SCN2A: variants seen among roughly 807,000 people sequenced by gnomAD.
SCN2A encodes the protein sodium channel protein type 2 subunit alpha.
SCN2A carries 20 observed loss-of-function variants against 188.7 expected under a neutral mutation model. That is an observed-to-expected ratio of 0.11 (90% confidence interval 0.07 to 0.15). The LOEUF (loss-of-function observed/expected upper bound fraction) is 0.15. Among genes scored for constraint, SCN2A ranks in the 10% least tolerant of loss-of-function variants. The pLI is 1.00. For synonymous variants in SCN2A, 804 were observed against 833.1 expected, an observed-to-expected ratio of 0.97 and a Z score of 0.60; for missense variants, 1,278 against 2,445.0, an observed-to-expected ratio of 0.52 and a Z score of 10.07.
chr2:165,291,164 C>T (rs1200001600), intron 1 of SCN2A, among the ~76,000 whole-genome samples: 1 of 150,302 alleles, frequency 6.7e-6, no homozygotes, highest in Non-Finnish European at 1.5e-5. Context: ...GCCTCAGCCT[C>T]CCCAGTAGCT....
chr2:165,291,486 C>CTT (rs1559340230), intron 1 of SCN2A, among the ~76,000 whole-genome samples: 27 of 57,280 alleles, frequency 4.7e-4, no homozygotes, highest in Non-Finnish European at 6.2e-4. Context: ...TTCTTTCTTT[C>CTT]TTTCTTTTCT....
rs902494496 is a variant in SCN2A at position 165,391,416 on chromosome 2, G to T, written c.*1592G>T. 1 of 152,410 alleles carries T rather than the reference G, an allele frequency of 6.6e-6. No individual in the cohort carries two copies. The highest frequency in any genetic ancestry group is 1.5e-5 in the Non-Finnish European group (1 of 67,960). 9.4% of individuals were successfully genotyped at this position (152,410 alleles called of 1,614,324 possible). A position where few individuals can be genotyped will look rare whatever the true frequency, so the allele number is the denominator to read the frequency against. On this transcript the variant is annotated 3_prime_UTR_variant, in exon 27 of 27. Coordinates refer to ENST00000375437, the MANE Select transcript of SCN2A (RefSeq NM_001040142.2). ...TATTTTATTTTTCAGCCTTTTGTAC[G>T]TAAAATGAGAAATTAAAAGTATCTT...
chr2:165,307,371 T>A (rs1358012900), intron 3 of SCN2A, among the ~76,000 whole-genome samples: 1 of 152,104 alleles, frequency 6.6e-6, no homozygotes, highest in African/African-American at 2.4e-5. Context: ...TTATGAGCAA[T>A]TACAGTATAT....
At position 165,321,641 on chromosome 2, in the gene SCN2A, G is replaced by C. The variant is rs368842276; in HGVS notation, c.1672-1515G>C. Among the ~76,000 whole-genome samples the C allele has an allele frequency of 8.5e-5, 13 of 152,282 alleles. No homozygotes were observed. In the East Asian group the frequency reaches 1.4e-3, roughly 16 times the overall value. On this transcript the variant is annotated intron_variant, in intron 11 of 26. Coordinates refer to ENST00000375437, the MANE Select transcript of SCN2A (RefSeq NM_001040142.2). ...ATGGTGTCAGGCAAAGAGAGAGTGA[G>C]AGCCAAGTGAAAGGGATTTCTCCCC...
chr2:165,248,863 G>A (rs1313090388), intron 1 of SCN2A, among the ~76,000 whole-genome samples: 1 of 152,038 alleles, frequency 6.6e-6, no homozygotes, highest in African/African-American at 2.4e-5. Context: ...ATTCCTTTAA[G>A]CATACTAAGG....
intron 16 of SCN2A, 73 bp from the exon 17 acceptor site, chr2:165,354,119 T>C (rs1239701408): frequency 6.3e-7 from 1 of 1,587,120 alleles, no homozygotes; most frequent in African/African-American, 1.3e-5. Flanking sequence ...AGAACAATCT[T>C]AGAAAACTAA....
intron 17 of SCN2A, among the ~76,000 whole-genome samples, chr2:165,362,607 C>G (rs1286871248): frequency 6.6e-6 from 1 of 152,004 alleles, no homozygotes; most frequent in Non-Finnish European, 1.5e-5. Flanking sequence ...CAATTCAAAG[C>G]CTGTTCCTTG....
Position 165,296,084 on chromosome 2 carries a change from T to A in SCN2A, c.261T>A (p.Asn87Lys), listed in dbSNP as rs1696491855. ...AGGATCTGGACCCCTACTATATCAA[T>A]AAGAAAGTGAGTTCTTAGTCAAGTT... ...PLEDLDPYYINKKTFIVLNKG... is the reference protein window; with the variant it reads ...PLEDLDPYYIKKKTFIVLNKG... The change falls in exon 2 of 27, where the codon AAT becomes AAA. Residue 87 changes from asparagine to lysine, a missense_variant. Physicochemically the swap from Asn to Lys is moderately conservative, Grantham distance 94. Transcript: ENST00000375437. The A allele has an allele frequency of 6.2e-7, 1 of 1,613,016 alleles. No individual in the cohort carries two copies. The highest frequency in any genetic ancestry group is 1.3e-5 in the African/African-American group (1 of 74,874).
chr2:165,264,598 A>T (rs1237353617), intron 1 of SCN2A, among the ~76,000 whole-genome samples: 1 of 151,680 alleles, frequency 6.6e-6, no homozygotes, highest in Admixed American at 6.6e-5. Context: ...ATTTTTCCTG[A>T]CCCTCTCCTC....
Position 165,314,089 on chromosome 2 carries a change from A to G in SCN2A, c.1364A>G (p.Lys455Arg), listed in dbSNP as rs752013832. 2 of 1,613,462 alleles carry G rather than the reference A, an allele frequency of 1.2e-6. No individual in the cohort carries two copies. The highest frequency in any genetic ancestry group is 1.1e-5 in the South Asian group (1 of 91,064). ...CAGCAGATGCTCGAACAGTTGAAAA[A>G]GCAACAAGAAGAAGCTCAGGTATAG... Reference protein sequence around the residue: ...EFQQMLEQLKKQQEEAQAAAA... With the variant: ...EFQQMLEQLKRQQEEAQAAAA... Residue 455 changes from lysine (K) to arginine (R), a missense_variant, in exon 10 of 27, where the codon AAG becomes AGG. Lys to Arg is a conservative substitution (Grantham distance 26). Around this residue, in one of 17 missense-constraint regions of SCN2A, gnomAD observed 315 missense variants for 386.6 expected, o/e 0.81. Transcript: ENST00000375437.
chr2:165,292,457 G>A (rs1357815304), intron 1 of SCN2A, among the ~76,000 whole-genome samples: 1 of 152,136 alleles, frequency 6.6e-6, no homozygotes, highest in Non-Finnish European at 1.5e-5. Flanking sequence ...CCAATAGGTA[G>A]TTTTTCAACA....
chr2:165,242,402 T>C (rs562706961), intron 1 of SCN2A, among the ~76,000 whole-genome samples: 1 of 152,238 alleles, frequency 6.6e-6, no homozygotes, highest in African/African-American at 2.4e-5. Context: ...GCAGGTAAAT[T>C]GAATATCAAA....
chr2:165,262,938 G>A (rs921712791), intron 1 of SCN2A, among the ~76,000 whole-genome samples: 6 of 151,804 alleles, frequency 4.0e-5, no homozygotes, highest in Non-Finnish European at 8.8e-5. Flanking sequence ...ATCAATTGTT[G>A]CAGGAGTAAG....
At chr2:165,259,158 A>C (rs553002213) in intron 1 of SCN2A, among the ~76,000 whole-genome samples, 134 of 152,354 alleles carry the variant, frequency 8.8e-4, no homozygotes, top group Non-Finnish European at 1.6e-3. Context: ...CTGAAAAAGC[A>C]ATGTACATAC....
intron 1 of SCN2A, chr2:165,266,443 A>G (rs190739934): frequency 6.6e-6 from 1 of 152,260 alleles, no homozygotes; most frequent in Non-Finnish European, 1.5e-5. Context: ...AGCTTCAAAG[A>G]AGATGAAGAT....
intron 13 of SCN2A, 123 bp from the exon 14 acceptor site, chr2:165,331,207 A>G: frequency 3.8e-6 from 3 of 793,926 alleles, no homozygotes; most frequent in Non-Finnish European, 6.4e-6. Context: ...CTGTTCCTCC[A>G]GCAGATTAAC....
chr2:165,275,984 C>G (rs145699686), intron 1 of SCN2A, among the ~76,000 whole-genome samples: 1 of 152,110 alleles, frequency 6.6e-6, no homozygotes, highest in Non-Finnish European at 1.5e-5. Context: ...CTGCCCTCCT[C>G]GGCCTCCCAA....
intron 11 of SCN2A, among the ~76,000 whole-genome samples, chr2:165,317,374 G>GGA (rs142234775): frequency 6.7e-6 from 1 of 150,308 alleles, no homozygotes; most frequent in Non-Finnish European, 1.5e-5. Flanking sequence ...GAGGGAGGGG[G>GGA]GAGAGAGAGA....
chr2:165,284,554 G>C (rs2106125826), intron 1 of SCN2A, among the ~76,000 whole-genome samples: 1 of 152,246 alleles, frequency 6.6e-6, no homozygotes, highest in Non-Finnish European at 1.5e-5. Flanking sequence ...CAGATCTACT[G>C]TTCCACTGAG....
Sources: gnomAD v4.1 joint callset for allele counts (sites outside exome capture counted in the v4.1 genomes callset) on GRCh38, gnomAD v4.1.1 for gene constraint, gnomAD v4.1.1 regional missense constraint, MANE v1.5 for transcripts, NCBI Gene and HGNC (gene_info 2026-07-23, HGNC 2026-07-21) for gene names.